Variants in WLS observed in about 807,000 individuals in gnomAD.
WLS encodes protein wntless homolog.
In WLS, 23 loss-of-function variants were observed where a neutral mutation model predicts 62.8. The observed-to-expected ratio is 0.37, with a 90% CI of 0.26 to 0.52. WLS has a LOEUF of 0.52. Ranked by LOEUF, WLS falls within the 20% of genes least tolerant of loss-of-function variation. WLS has a pLI of 0.92. For synonymous variants in WLS, 246 were observed against 244.1 expected, an observed-to-expected ratio of 1.01 and a Z score of -0.07; for missense variants, 615 against 697.3, an observed-to-expected ratio of 0.88 and a Z score of 1.33.
At chr1:68,148,444 G>A (rs959280989) in intron 7 of WLS, 119 bp downstream of exon 7, 3 of 1,105,862 alleles carry the variant, frequency 2.7e-6, no homozygotes, top group Non-Finnish European at 3.9e-6. Flanking sequence ...ACCACGTCCA[G>A]TGCTTCCAAA....
intron 11 of WLS, among the ~76,000 whole-genome samples, chr1:68,116,098 A>C (rs182899865): frequency 5.3e-5 from 8 of 152,284 alleles, no homozygotes; most frequent in African/African-American, 1.9e-4. Flanking sequence ...ATTAACTTCC[A>C]GGTTGCTCCC....
intron 2 of WLS, among the ~76,000 whole-genome samples, chr1:68,169,708 G>C (rs567972171): frequency 6.6e-6 from 1 of 152,124 alleles, no homozygotes; most frequent in African/African-American, 2.4e-5. Context: ...CACCTGCCCT[G>C]TTCCTGTCTA....
At chr1:68,200,688 T>C (rs895052046) in intron 1 of WLS, among the ~76,000 whole-genome samples, 3 of 152,150 alleles carry the variant, frequency 2.0e-5, no homozygotes, top group African/African-American at 7.2e-5. Flanking sequence ...ACCTGATCTA[T>C]GAAGTTGAAT....
At chr1:68,122,745 T>TAA (rs1480663140), downstream of WLS, among the ~76,000 whole-genome samples, 1 of 152,174 alleles carries the variant, frequency 6.6e-6, no homozygotes. Flanking sequence ...AGTTTCCACT[T>TAA]CTCTTTCCAC....
At chr1:68,193,444 GA>G (rs111934768) in intron 2 of WLS, among the ~76,000 whole-genome samples, 14 of 35,650 alleles carry the variant, frequency 3.9e-4, no homozygotes, top group Admixed American at 1.4e-3. Context: ...AAAAAAAAAC[GA>G]AAAAAAAACC....
intron 1 of WLS, among the ~76,000 whole-genome samples, chr1:68,200,732 A>C (rs1236153424): frequency 6.6e-6 from 1 of 152,222 alleles, no homozygotes; most frequent in Admixed American, 6.5e-5. Flanking sequence ...AAATGTAGAG[A>C]AAACCTCCAT....
At chr1:68,204,438 G>A (rs1309636464) in intron 1 of WLS, among the ~76,000 whole-genome samples, 1 of 151,968 alleles carries the variant, frequency 6.6e-6, no homozygotes, top group Non-Finnish European at 1.5e-5. Flanking sequence ...TCCTGCCTCA[G>A]CCTCCAGAGT....
At chr1:68,148,789 G>A (rs1646787281) in intron 6 of WLS, 129 bp from the exon 7 acceptor site, 8 of 765,256 alleles carry the variant, frequency 1.0e-5, no homozygotes, top group Non-Finnish European at 1.7e-5. Context: ...TAGATTCTAG[G>A]TATGAGAACA....
At chr1:68,170,236 G>A (rs957804959) in intron 2 of WLS, among the ~76,000 whole-genome samples, 9 of 139,346 alleles carry the variant, frequency 6.5e-5, no homozygotes, top group Admixed American at 1.6e-4. Context: ...CACGATCTCC[G>A]CTCACTGCAA....
At chr1:68,109,294 G>C (rs771651583) in intron 11 of WLS, among the ~76,000 whole-genome samples, 30 of 152,228 alleles carry the variant, frequency 2.0e-4, no homozygotes, top group Admixed American at 6.5e-5. Flanking sequence ...CTGGAGAAAA[G>C]CTTCCTCAAT....
At chr1:68,119,432 A>C (rs775655017) in intron 11 of WLS, among the ~76,000 whole-genome samples, 1 of 152,228 alleles carries the variant, frequency 6.6e-6, no homozygotes, top group South Asian at 2.1e-4. Context: ...GACTGGATTA[A>C]AAACAATGTA....
intron 11 of WLS, among the ~76,000 whole-genome samples, chr1:68,104,393 G>A (rs940147752): frequency 1.3e-5 from 2 of 152,136 alleles, no homozygotes; most frequent in East Asian, 3.9e-4. Context: ...TTCCATTAAT[G>A]CAGCTGAATA....
In WLS at chr1:68,125,917, A is replaced by AC. The variant is rs1479618125; in HGVS notation, c.*308dup. On this transcript the variant is annotated 3_prime_UTR_variant, in exon 12 of 12. Coordinates refer to ENST00000262348, the MANE Select transcript of WLS (RefSeq NM_024911.7). ...CCCCCAAGGAATACACCCCCACCCC[A>AC]CCCCCACATGAGGTTTACTAACCAG... 1 of 1,011,242 alleles carries AC rather than the reference A, an allele frequency of 9.9e-7. No homozygotes were observed. Among genetic ancestry groups the AC allele is most frequent in the Non-Finnish European group, 1.2e-6 (1 of 846,660 alleles). The allele number at this position is 1,011,242 out of a possible 1,614,324, so 62.6% of individuals were successfully genotyped here. A position where few individuals can be genotyped will look rare whatever the true frequency, so the allele number is the denominator to read the frequency against.
intron 1 of WLS, among the ~76,000 whole-genome samples, chr1:68,203,645 A>G (rs1649149904): frequency 6.6e-6 from 1 of 152,244 alleles, no homozygotes; most frequent in Non-Finnish European, 1.5e-5. Flanking sequence ...TATTGCAGGT[A>G]GGCAGTGTTT....
chr1:68,164,262 ATTT>A (rs3053539), intron 2 of WLS, among the ~76,000 whole-genome samples: 43 of 148,300 alleles, frequency 2.9e-4, no homozygotes, highest in African/African-American at 9.3e-4. Flanking sequence ...AAGAGATTTC[ATTT>A]TTTTTTTTTT....
intron 1 of WLS, among the ~76,000 whole-genome samples, chr1:68,223,559 T>C (rs1650024666): frequency 6.6e-6 from 1 of 152,204 alleles, no homozygotes; most frequent in African/African-American, 2.4e-5. Flanking sequence ...GTAGGAGAGA[T>C]GGATTTGGGA....
intron 2 of WLS, 81 bp downstream of exon 2, chr1:68,193,874 T>C (rs140256203): frequency 4.9e-5 from 74 of 1,523,900 alleles, no homozygotes; most frequent in Admixed American, 1.0e-4. Context: ...CATTTTTACT[T>C]TTATTAGAAT....
chr1:68,098,803 A>G, intron 11 of WLS: 1 of 1,585,026 alleles, frequency 6.3e-7, no homozygotes, highest in Non-Finnish European at 8.6e-7. Context: ...CTTTTAAAAA[A>G]ATATGTAACA....
chr1:68,215,644 G>A (rs1043542936), intron 1 of WLS, among the ~76,000 whole-genome samples: 2 of 152,166 alleles, frequency 1.3e-5, no homozygotes, highest in Non-Finnish European at 2.9e-5. Flanking sequence ...GATTTCTCCA[G>A]TATTGTTTAT....
Sources: gnomAD v4.1 joint callset for allele counts (sites outside exome capture counted in the v4.1 genomes callset) on GRCh38, gnomAD v4.1.1 for gene constraint, MANE v1.5 for transcripts, NCBI Gene and HGNC (gene_info 2026-07-23, HGNC 2026-07-21) for gene names.